EDARADD: variants seen among roughly 807,000 people sequenced by gnomAD.
The protein encoded by EDARADD is EDAR associated via death domain, also known as ectodysplasin-A receptor-associated adapter protein.
A neutral mutation model predicts 25.6 loss-of-function variants in EDARADD; 20 were observed. That is an observed-to-expected ratio of 0.78 (90% CI 0.55 to 1.14). The LOEUF is 1.14. EDARADD is among the 50% of genes most tolerant of loss of function. The probability of loss-of-function intolerance (pLI) is 0.00; values close to 1 mark genes in which losing one functional copy is unlikely to be tolerated. For synonymous variants in EDARADD, 86 were observed against 94.4 expected (o/e 0.91, Z 0.52); for missense variants, 225 against 270.1 (o/e 0.83, Z 1.17).
intron 3 of EDARADD, among the ~76,000 whole-genome samples, chr1:236,357,781 C>T (rs1666997571): frequency 6.6e-6 from 1 of 151,980 alleles, no homozygotes; most frequent in East Asian, 1.9e-4. Context: ...CAGGTCCCAC[C>T]TCCAACATGG....
chr1:236,484,685 A>T lies in EDARADD; in HGVS notation c.*2036A>T. 3.0e-6 allele frequency: 1 copy of T among 337,190 alleles called. No individual in the cohort carries two copies. Among genetic ancestry groups the T allele is most frequent in the East Asian group, 5.6e-5 (1 of 17,918 alleles). 20.9% of individuals were successfully genotyped at this position (337,190 alleles called of 1,614,324 possible). A position where few individuals can be genotyped will look rare whatever the true frequency, so the allele number is the denominator to read the frequency against. On this transcript the variant is annotated 3_prime_UTR_variant, in exon 6 of 6. Transcript: ENST00000334232. The surrounding 1 kb of genome is among the most constrained non-coding windows in gnomAD (Gnocchi z 4.1). ...ATTGCGCCACTGCACACCAGTCTGG[A>T]GACAGAGTGAGAGTCCGTCCCAGAA...
chr1:236,426,341 A>T (rs563408722), intron 3 of EDARADD, among the ~76,000 whole-genome samples: 47 of 152,152 alleles, frequency 3.1e-4, no homozygotes, highest in Non-Finnish European at 5.9e-4. Context: ...GGATGGACAA[A>T]CACACACATC....
upstream of EDARADD, among the ~76,000 whole-genome samples, chr1:236,389,814 T>C (rs1667398855): frequency 6.6e-6 from 1 of 151,988 alleles, no homozygotes; most frequent in Non-Finnish European, 1.5e-5. Context: ...CCTGCCTAGG[T>C]AATGTAGTGA....
chr1:236,353,940 G>A (rs925711298), intron 3 of EDARADD, among the ~76,000 whole-genome samples: 2 of 152,058 alleles, frequency 1.3e-5, no homozygotes, highest in Non-Finnish European at 2.9e-5. Context: ...ATCTATGGGA[G>A]TTCAGGGGAA....
intron 3 of EDARADD, among the ~76,000 whole-genome samples, chr1:236,385,224 C>T (rs369058165): frequency 1.5e-4 from 22 of 149,696 alleles, no homozygotes; most frequent in East Asian, 9.9e-4. Flanking sequence ...CTGGCCAACA[C>T]GGTGAAACCC....
chr1:236,484,337 G>A lies in EDARADD; in HGVS notation c.*1688G>A. 7.3e-7 allele frequency: 1 copy of A among 1,368,074 alleles called. No homozygotes were observed. The highest frequency in any genetic ancestry group is 1.0e-6 in the Non-Finnish European group (1 of 956,558). The allele number at this position is 1,368,074 out of a possible 1,614,324, so 84.7% of individuals were successfully genotyped here. A position where few individuals can be genotyped will look rare whatever the true frequency, so the allele number is the denominator to read the frequency against. On this transcript the variant is annotated 3_prime_UTR_variant, in exon 6 of 6. Coordinates refer to ENST00000334232, the MANE Select transcript of EDARADD (RefSeq NM_145861.4). The surrounding 1 kb of genome is among the most constrained non-coding windows in gnomAD (Gnocchi z 4.1). ...ACCTGGTGGTGGGGCTGTGACCTGG[G>A]CAGCTCAAGACTGGTGCCCCTTGCT...
At chr1:236,467,337 A>G (rs940395743) in intron 4 of EDARADD, among the ~76,000 whole-genome samples, 4 of 151,704 alleles carry the variant, frequency 2.6e-5, no homozygotes. Context: ...GATGAGAAAG[A>G]TTTTGGTTTT....
At chr1:236,356,053 A>G (rs1666972170) in intron 3 of EDARADD, among the ~76,000 whole-genome samples, 1 of 152,204 alleles carries the variant, frequency 6.6e-6, no homozygotes, top group African/African-American at 2.4e-5. Flanking sequence ...GCAGCATCTT[A>G]TCAGACTCCT....
chr1:236,360,171 A>G (rs970775074), intron 3 of EDARADD, among the ~76,000 whole-genome samples: 3 of 152,058 alleles, frequency 2.0e-5, no homozygotes, highest in African/African-American at 7.2e-5. Context: ...ATTAAAAAAA[A>G]ATTAGTTAGA....
intron 3 of EDARADD, among the ~76,000 whole-genome samples, chr1:236,362,842 T>C (rs1045182663): frequency 4.6e-5 from 7 of 151,300 alleles, no homozygotes; most frequent in African/African-American, 1.5e-4. Context: ...CAAAAACCTA[T>C]TGTCGATTTA....
intron 4 of EDARADD, among the ~76,000 whole-genome samples, chr1:236,460,779 TTGAC>T (rs1420326630): frequency 6.6e-6 from 1 of 152,078 alleles, no homozygotes; most frequent in Non-Finnish European, 1.5e-5. Context: ...TGAAAATTGA[TTGAC>T]TATCACTGAC....
chr1:236,466,305 G>A (rs1659184684), intron 4 of EDARADD, among the ~76,000 whole-genome samples: 1 of 152,102 alleles, frequency 6.6e-6, no homozygotes, highest in African/African-American at 2.4e-5. Flanking sequence ...TGGGGCTTCT[G>A]GGGTTAGCCT....
intron 2 of EDARADD, among the ~76,000 whole-genome samples, chr1:236,411,356 A>T (rs763739647): frequency 1.3e-5 from 2 of 152,116 alleles, no homozygotes; most frequent in Non-Finnish European, 2.9e-5. Flanking sequence ...CCCATAGGGA[A>T]GAATCTTTCC....
At chr1:236,375,241 T>C (rs1247086153) in intron 3 of EDARADD, among the ~76,000 whole-genome samples, 1 of 152,162 alleles carries the variant, frequency 6.6e-6, no homozygotes, top group Non-Finnish European at 1.5e-5. Flanking sequence ...ATCATTATTG[T>C]AATTCATTTC....
chr1:236,428,631 G>A (rs928355878), intron 4 of EDARADD, among the ~76,000 whole-genome samples: 1 of 141,064 alleles, frequency 7.1e-6, no homozygotes, highest in Non-Finnish European at 1.6e-5. Flanking sequence ...GCCGGGCGGA[G>A]ACGCTCCTCA....
chr1:236,457,823 CA>C (rs1553269204), intron 4 of EDARADD, among the ~76,000 whole-genome samples: 25,866 of 118,132 alleles, frequency 0.22, 2,370 homozygotes, highest in East Asian at 0.39. Context: ...TGTCCCCCAC[CA>C]AAAAAAAAAA....
At chr1:236,384,457 C>T (rs539146174) in intron 3 of EDARADD, among the ~76,000 whole-genome samples, 1 of 152,314 alleles carries the variant, frequency 6.6e-6, no homozygotes, top group Non-Finnish European at 1.5e-5. Flanking sequence ...GTAGTGCAAT[C>T]ATAGGTCACT....
chr1:236,392,981 C>T (rs1008303635), upstream of EDARADD, among the ~76,000 whole-genome samples: 1 of 152,154 alleles, frequency 6.6e-6, no homozygotes, highest in Non-Finnish European at 1.5e-5. Context: ...GACTGGGTCT[C>T]AAAATGTTGC....
intron 4 of EDARADD, 148 bp downstream of exon 4, chr1:236,427,598 A>G (rs1252746379): frequency 2.9e-6 from 2 of 693,860 alleles, no homozygotes; most frequent in Admixed American, 2.9e-5. Flanking sequence ...TAAGCATCCC[A>G]GTAAGGTAGC....
Sources: allele counts gnomAD v4.1 joint callset (sites outside exome capture counted in the v4.1 genomes callset), GRCh38; gene constraint gnomAD v4.1.1; non-coding constraint Gnocchi (gnomAD v3.1); transcripts MANE v1.5; gene names NCBI Gene and HGNC (gene_info 2026-07-23, HGNC 2026-07-21).